The following IRAK2 variants were observed in gnomAD, a reference collection of about 807,000 sequenced individuals.
The protein encoded by IRAK2 is interleukin 1 receptor associated kinase 2.
In IRAK2, 57 loss-of-function variants were observed where a neutral mutation model predicts 72.0. The observed-to-expected ratio is 0.79, with a 90% CI of 0.64 to 0.99. IRAK2 has a LOEUF of 0.99. Among genes scored for constraint, IRAK2 ranks in the 50% least tolerant of loss-of-function variants. The pLI is 0.00. For synonymous variants in IRAK2, 293 were observed against 312.7 expected (o/e 0.94, Z 0.67); for missense variants, 790 against 794.4 (o/e 0.99, Z 0.07).
Position 10,219,722 on chromosome 3 carries a change from T to C in IRAK2, c.946T>C (p.Cys316Arg), listed in dbSNP as rs1697659303. 1 of 1,614,008 alleles carries C rather than the reference T, an allele frequency of 6.2e-7. No individual in the cohort carries two copies. The highest frequency in any genetic ancestry group is 1.3e-5 in the African/African-American group (1 of 74,910). ...PLPWPQRVSI[C>R]SGLLCAVEYL... ...CCCCTGGCCCCAGCGTGTCAGCATC[T>C]GCTCAGGGCTGCTCTGTGCCGTCGA... is the stretch of plus-strand genomic sequence containing the variant. Residue 316 changes from cysteine (C) to arginine (R), a missense_variant, in exon 8 of 13, where the codon TGC becomes CGC. By Grantham distance (180) the Cys-to-Arg change is radical. Coordinates refer to ENST00000256458, the MANE Select transcript of IRAK2 (RefSeq NM_001570.4).
chr3:10,216,810 A>G, intron 6 of IRAK2, 124 bp from the exon 7 acceptor site: 1 of 709,748 alleles, frequency 1.4e-6, no homozygotes, highest in South Asian at 1.6e-5. Flanking sequence ...GGGTCAGAGT[A>G]TGTGGTACCT....
At chr3:10,235,319 C>G (rs77862697) in intron 11 of IRAK2, among the ~76,000 whole-genome samples, 1 of 145,174 alleles carries the variant, frequency 6.9e-6, no homozygotes, top group African/African-American at 2.5e-5. Flanking sequence ...TTTTTTTTTT[C>G]TTTTTGAGAC....
At position 10,242,332 on chromosome 3, in the gene IRAK2, A is replaced by G. The variant is rs1698074098; in HGVS notation, c.*104A>G. On this transcript the variant is annotated 3_prime_UTR_variant, in exon 13 of 13. Coordinates refer to ENST00000256458, the MANE Select transcript of IRAK2 (RefSeq NM_001570.4). ...TCCAAGATCTGCCAGGAAACACACA[A>G]CAAAACATCTGCTGTCCTGGGTGGG... 1.6e-6 allele frequency: 1 copy of G among 637,858 alleles called. No homozygotes were observed. Among genetic ancestry groups the G allele is most frequent in the Non-Finnish European group, 2.8e-6 (1 of 363,362 alleles). The allele number at this position is 637,858 out of a possible 1,614,324, so 39.5% of individuals were successfully genotyped here. A position where few individuals can be genotyped will look rare whatever the true frequency, so the allele number is the denominator to read the frequency against.
chr3:10,239,158 A>C, intron 12 of IRAK2, 119 bp downstream of exon 12: 1 of 950,850 alleles, frequency 1.1e-6, no homozygotes, highest in Non-Finnish European at 1.5e-6. Flanking sequence ...GCCATTCACC[A>C]ACCAGCCAGT....
rs201789350 is a variant in IRAK2 at position 10,216,948 on chromosome 3, A to C, written c.803A>C (p.Asn268Thr). The change falls in exon 7 of 13, where the codon AAT (asparagine) becomes ACT (threonine). Residue 268 changes from asparagine (N) to threonine (T), a missense_variant. Transcript: ENST00000256458. ...LQICLRCCHP[N>T]VLPVLGFCAA... is the part of the protein sequence containing the mutation. ...CCCGATTCCAGATGCTGCCACCCCA[A>C]TGTCTTACCTGTGCTGGGCTTCTGT... 1 of 1,613,972 alleles carries C rather than the reference A, an allele frequency of 6.2e-7. No homozygotes were observed. Among genetic ancestry groups the C allele is most frequent in the East Asian group, 2.2e-5 (1 of 44,888 alleles).
intron 4 of IRAK2, among the ~76,000 whole-genome samples, chr3:10,210,170 C>G (rs1475232369): frequency 5.9e-5 from 9 of 152,184 alleles, no homozygotes; most frequent in Non-Finnish European, 1.0e-4. Flanking sequence ...ATCCACCTGC[C>G]TCCGCCTCCC....
At chr3:10,196,576 A>AT (rs1298829300) in intron 2 of IRAK2, among the ~76,000 whole-genome samples, 1 of 152,160 alleles carries the variant, frequency 6.6e-6, no homozygotes, top group African/African-American at 2.4e-5. Flanking sequence ...GGCAATCAGG[A>AT]TGGGGGGGTG....
intron 12 of IRAK2, among the ~76,000 whole-genome samples, chr3:10,241,527 C>G (rs1414873631): frequency 6.8e-6 from 1 of 147,536 alleles, no homozygotes; most frequent in Non-Finnish European, 1.5e-5. Flanking sequence ...CCACTGCACT[C>G]CAGCCTGGGC....
At chr3:10,240,537 GCCCCC>G (rs781428702) in intron 12 of IRAK2, among the ~76,000 whole-genome samples, 6 of 9,138 alleles carry the variant, frequency 6.6e-4, no homozygotes, top group African/African-American at 2.1e-3. Flanking sequence ...AAATTAGGAA[GCCCCC>G]CCCCCCCCCC....
intron 7 of IRAK2, 30 bp downstream of exon 7, chr3:10,217,078 G>T (rs2302860): frequency 3.8e-5 from 57 of 1,513,294 alleles, no homozygotes; most frequent in South Asian, 1.2e-4. Flanking sequence ...TCAGAGAATG[G>T]GACCAGGCTG....
At chr3:10,190,556 G>T (rs972209933) in intron 2 of IRAK2, among the ~76,000 whole-genome samples, 1 of 152,050 alleles carries the variant, frequency 6.6e-6, no homozygotes, top group Non-Finnish European at 1.5e-5. Flanking sequence ...ATCACTGTTG[G>T]TCTCTTGAGA....
At chr3:10,193,753 C>A (rs374058337) in intron 2 of IRAK2, among the ~76,000 whole-genome samples, 4 of 152,328 alleles carry the variant, frequency 2.6e-5, no homozygotes, top group Middle Eastern at 3.4e-3. Flanking sequence ...CCTGGGGGTC[C>A]CAGCAGGGAG....
chr3:10,193,169 T>G lies in IRAK2; in HGVS notation c.278-7200T>G, dbSNP rs9872943. On this transcript the variant is annotated intron_variant, in intron 2 of 12. Transcript: ENST00000256458. ...AAAACAAATCAGAGAGAAAAAGAAA[T>G]CATGCCTGGCAACCAGCTCTGGTGA... Among the ~76,000 whole-genome samples, 788 of 152,194 alleles carry G rather than the reference T, an allele frequency of 5.2e-3. 3 individuals are homozygous for G. The highest frequency in any genetic ancestry group is 0.018 in the African/African-American group (742 of 41,524).
At chr3:10,166,067 C>G (rs1696684522) in intron 1 of IRAK2, among the ~76,000 whole-genome samples, 2 of 152,154 alleles carry the variant, frequency 1.3e-5, no homozygotes, top group South Asian at 4.1e-4. Flanking sequence ...CCTGCTTCGG[C>G]CTCCCAAAGT....
chr3:10,170,062 G>T (rs530150023), intron 1 of IRAK2, among the ~76,000 whole-genome samples: 1 of 152,172 alleles, frequency 6.6e-6, no homozygotes, highest in Non-Finnish European at 1.5e-5. Context: ...TATTATCTCA[G>T]CATTCTGGAG....
In IRAK2 at chr3:10,219,719, A is replaced by G. The variant is rs772236316; in HGVS notation, c.943A>G (p.Ile315Val). 3 of 1,612,722 alleles carry G rather than the reference A, an allele frequency of 1.9e-6. No individual in the cohort carries two copies. The highest frequency in any genetic ancestry group is 2.5e-6 in the Non-Finnish European group (3 of 1,179,612). ...CCTCCCCTGGCCCCAGCGTGTCAGCATCTGCTCAGGGCTGCTCTGTGCCGT... is the reference window on the plus strand; with the variant it reads ...CCTCCCCTGGCCCCAGCGTGTCAGCGTCTGCTCAGGGCTGCTCTGTGCCGT... Reference protein sequence around the residue: ...DPLPWPQRVSICSGLLCAVEY... With the variant: ...DPLPWPQRVSVCSGLLCAVEY... Residue 315 changes from isoleucine (I) to valine (V), a missense_variant, in exon 8 of 13, where the codon ATC becomes GTC. Ile to Val is a conservative substitution (Grantham distance 29). Transcript: ENST00000256458.
At chr3:10,172,467 G>A (rs1696810922) in intron 1 of IRAK2, among the ~76,000 whole-genome samples, 1 of 150,860 alleles carries the variant, frequency 6.6e-6, no homozygotes, top group African/African-American at 2.4e-5. Flanking sequence ...GAACCTGGGA[G>A]GTGGAGGTTG....
chr3:10,189,895 CT>C (rs1308968623), intron 2 of IRAK2, among the ~76,000 whole-genome samples: 1 of 152,134 alleles, frequency 6.6e-6, no homozygotes, highest in African/African-American at 2.4e-5. Context: ...ACCCTGCCCA[CT>C]GCAGACTTGC....
At chr3:10,241,964 C>T (rs1434893848) in intron 12 of IRAK2, 152 bp from the exon 13 acceptor site, 1 of 490,472 alleles carries the variant, frequency 2.0e-6, no homozygotes, top group South Asian at 2.4e-5. Flanking sequence ...CAAAGTGAGA[C>T]CCTGTCTCGA....
Sources: gnomAD v4.1 joint callset for allele counts (sites outside exome capture counted in the v4.1 genomes callset) on GRCh38, gnomAD v4.1.1 for gene constraint, MANE v1.5 for transcripts, NCBI Gene and HGNC (gene_info 2026-07-23, HGNC 2026-07-21) for gene names.